ADAMTS12: variants seen among roughly 807,000 people sequenced by gnomAD.
ADAMTS12 encodes the protein ADAM metallopeptidase with thrombospondin type 1 motif 12.
A neutral mutation model predicts 167.8 loss-of-function variants in ADAMTS12; 118 were observed. The ratio of observed to expected loss-of-function variants is 0.70; its 90% CI spans 0.61 to 0.82. ADAMTS12 has a LOEUF of 0.82. Ranked by LOEUF, ADAMTS12 falls within the 40% of genes least tolerant of loss-of-function variation. ADAMTS12 has a pLI of 0.00. For synonymous variants in ADAMTS12, 704 were observed against 716.9 expected, an observed-to-expected ratio of 0.98 and a Z score of 0.29; for missense variants, 1,916 against 1,998.8, an observed-to-expected ratio of 0.96 and a Z score of 0.79.
At chr5:33,702,729 T>G (rs954640525) in intron 3 of ADAMTS12, among the ~76,000 whole-genome samples, 1 of 152,186 alleles carries the variant, frequency 6.6e-6, no homozygotes, top group African/African-American at 2.4e-5. Context: ...GACCTTTTAT[T>G]AAACATTCCT....
intron 14 of ADAMTS12, among the ~76,000 whole-genome samples, chr5:33,623,514 T>C (rs1354472997): frequency 6.6e-6 from 1 of 152,212 alleles, no homozygotes. Context: ...GGTCCACCCT[T>C]GAAGGTGAAC....
chr5:33,648,579 T>C (rs762567687), intron 9 of ADAMTS12, among the ~76,000 whole-genome samples: 4 of 152,194 alleles, frequency 2.6e-5, no homozygotes, highest in Non-Finnish European at 5.9e-5. Flanking sequence ...AAAATCACTA[T>C]GGAGCTGTGT....
intron 2 of ADAMTS12, among the ~76,000 whole-genome samples, chr5:33,845,325 A>T (rs1428018696): frequency 6.6e-6 from 1 of 152,200 alleles, no homozygotes; most frequent in African/African-American, 2.4e-5. Flanking sequence ...GTACAAAATG[A>T]CCCTAGAACA....
At chr5:33,633,632 C>T (rs528061134) in intron 12 of ADAMTS12, among the ~76,000 whole-genome samples, 169 of 152,170 alleles carry the variant, frequency 1.1e-3, no homozygotes, top group Non-Finnish European at 1.8e-3. Context: ...CCCTCCTTCT[C>T]TGGCCTTTGT....
rs1743853825 is a variant in ADAMTS12, at chr5:33,527,095, G to A, written c.*93C>T. 6.8e-7 allele frequency: 1 copy of A among 1,470,284 alleles called. No homozygotes were observed. The highest frequency in any genetic ancestry group is 2.0e-5 in the Admixed American group (1 of 50,432). The allele number at this position is 1,470,284 out of a possible 1,614,324, so 91.1% of individuals were successfully genotyped here. ...ACCCAAAGCTGAATCTGAAATATAT[G>A]AAGCAAAACCTCAACGAAGCAGCTC... On this transcript the variant is annotated 3_prime_UTR_variant, in exon 24 of 24. Coordinates refer to ENST00000504830, the MANE Select transcript of ADAMTS12 (RefSeq NM_030955.4).
intron 5 of ADAMTS12, among the ~76,000 whole-genome samples, chr5:33,665,493 A>G (rs1036721564): frequency 6.6e-6 from 1 of 152,228 alleles, no homozygotes; most frequent in Non-Finnish European, 1.5e-5. Context: ...GTTGTCCACC[A>G]AAAATAAATA....
intron 2 of ADAMTS12, among the ~76,000 whole-genome samples, chr5:33,816,065 A>G (rs1747640432): frequency 6.6e-6 from 1 of 152,178 alleles, no homozygotes; most frequent in East Asian, 1.9e-4. Context: ...AGTGACTAGG[A>G]GCAAGTCAGT....
intron 2 of ADAMTS12, among the ~76,000 whole-genome samples, chr5:33,851,232 G>A (rs1749209649): frequency 6.6e-6 from 1 of 152,108 alleles, no homozygotes; most frequent in Non-Finnish European, 1.5e-5. Flanking sequence ...CTAACGTGGT[G>A]AAACCCCATC....
Position 33,833,408 on chromosome 5 carries a change from G to C in ADAMTS12, c.489+47711C>G, listed in dbSNP as rs977548375. Among the ~76,000 whole-genome samples the C allele has an allele frequency of 3.3e-5, 5 of 152,114 alleles. No individual in the cohort carries two copies. In the East Asian group the frequency reaches 7.7e-4, roughly 23 times the overall value. ...TGAATTCTCACAGCTGCCTCTTCAG[G>C]GGAGCTCAGGGACTTTGTCATTTAT... On this transcript the variant is annotated intron_variant, in intron 2 of 23. Coordinates refer to ENST00000504830, the MANE Select transcript of ADAMTS12 (RefSeq NM_030955.4).
intron 2 of ADAMTS12, among the ~76,000 whole-genome samples, chr5:33,825,477 A>T (rs1862562): frequency 0.14 from 21,180 of 152,158 alleles, 1,739 homozygotes; most frequent in Non-Finnish European, 0.18. Context: ...GAGCTGCATG[A>T]ATGTTGCAGA....
intron 20 of ADAMTS12, among the ~76,000 whole-genome samples, chr5:33,558,518 G>A (rs1331805146): frequency 6.6e-6 from 1 of 152,010 alleles, no homozygotes; most frequent in Non-Finnish European, 1.5e-5. Context: ...AAGAGAGAGA[G>A]AGAGGGGCAT....
intron 2 of ADAMTS12, among the ~76,000 whole-genome samples, chr5:33,755,459 C>T (rs1460913289): frequency 6.6e-6 from 1 of 152,144 alleles, no homozygotes; most frequent in Non-Finnish European, 1.5e-5. Context: ...GAAGAGTTGC[C>T]TGTAATCTCT....
chr5:33,594,169 G>A (rs1423446947), intron 17 of ADAMTS12, among the ~76,000 whole-genome samples: 1 of 152,198 alleles, frequency 6.6e-6, no homozygotes, highest in Non-Finnish European at 1.5e-5. Flanking sequence ...CTGTTCTCAT[G>A]CTAGTGAATA....
In ADAMTS12 at chr5:33,748,119, T is replaced by A. The variant is rs184322740; in HGVS notation, c.634+3285A>T. Among the ~76,000 whole-genome samples, 3 of 152,334 alleles carry A rather than the reference T, an allele frequency of 2.0e-5. No individual in the cohort carries two copies. In the East Asian group the frequency reaches 5.8e-4, roughly 29 times the overall value. ...ATAGATGACCCAGTATCTGTTCTCA[T>A]CTGATTGATCTGACCAGTGTTAATT... On this transcript the variant is annotated intron_variant, in intron 3 of 23. Transcript: ENST00000504830.
chr5:33,657,800 A>G lies in ADAMTS12; in HGVS notation c.1190+384T>C, dbSNP rs546238802. Among the ~76,000 whole-genome samples, 5 of 152,350 alleles carry G rather than the reference A, an allele frequency of 3.3e-5. No homozygotes were observed. The South Asian group carries it at 1.0e-3, about 32-fold the overall frequency. ...GCACAATGGCACAAAGTAAGGTGCA[A>G]AAATGTTAGGTTTTATGGCTTTTTA... On this transcript the variant is annotated intron_variant, in intron 7 of 23. Transcript: ENST00000504830.
At chr5:33,646,524 A>G (rs2112184470) in intron 9 of ADAMTS12, among the ~76,000 whole-genome samples, 1 of 152,302 alleles carries the variant, frequency 6.6e-6, no homozygotes, top group South Asian at 2.1e-4. Context: ...TACTCCTGAG[A>G]GTTGGTAACC....
rs149136703 is a variant in ADAMTS12 at position 33,576,520 on chromosome 5, T to C, written c.3506A>G (p.Lys1169Arg). 1 of 1,612,546 alleles carries C rather than the reference T, an allele frequency of 6.2e-7. No individual in the cohort carries two copies. Among genetic ancestry groups the C allele is most frequent in the Non-Finnish European group, 8.5e-7 (1 of 1,179,332 alleles). ...SGEEREQPED[K>R]DESNPVIWTK... ...CCATATTACAGGATTGCTTTCATCT[T>C]TGTCCTCAGGCTGTTCTCTTTCTTC... The change falls in exon 19 of 24, where the codon AAA (lysine) becomes AGA (arginine). Residue 1169 changes from lysine to arginine, a missense_variant. Physicochemically the swap from Lys to Arg is conservative, Grantham distance 26 (BLOSUM62 2). Transcript: ENST00000504830.
intron 1 of ADAMTS12, among the ~76,000 whole-genome samples, chr5:33,886,675 G>T (rs936776972): frequency 1.3e-5 from 2 of 152,144 alleles, no homozygotes; most frequent in Admixed American, 6.5e-5. Context: ...TTGCCTCTTT[G>T]TTGGGCAAAG....
intron 2 of ADAMTS12, among the ~76,000 whole-genome samples, chr5:33,826,397 A>C (rs946366131): frequency 6.6e-6 from 1 of 152,136 alleles, no homozygotes; most frequent in Non-Finnish European, 1.5e-5. Context: ...AATACTAGCA[A>C]ATTTGGAAAA....
Sources: gnomAD v4.1 joint callset for allele counts (sites outside exome capture counted in the v4.1 genomes callset) on GRCh38, gnomAD v4.1.1 for gene constraint, MANE v1.5 for transcripts, NCBI Gene and HGNC (gene_info 2026-07-23, HGNC 2026-07-21) for gene names.